The following RANBP2 variants were observed in gnomAD, a reference collection of about 807,000 sequenced individuals.
RANBP2 encodes E3 SUMO-protein ligase RanBP2.
A neutral mutation model predicts 303.6 loss-of-function variants in RANBP2; 57 were observed. The observed-to-expected ratio is 0.19, with a 90% CI of 0.15 to 0.23. The LOEUF (loss-of-function observed/expected upper bound fraction) is 0.23, where lower values mean the gene tolerates loss of function less well. Ranked by LOEUF, RANBP2 falls within the 10% of genes least tolerant of loss-of-function variation. RANBP2 has a pLI of 1.00. For synonymous variants in RANBP2, 1,167 were observed against 1,301.5 expected, an observed-to-expected ratio of 0.90 and a Z score of 2.23; for missense variants, 3,138 against 3,780.8, an observed-to-expected ratio of 0.83 and a Z score of 4.46.
chr2:109,462,025 A>C, the RANBP2 span, among the ~76,000 whole-genome samples: 1 of 151,562 alleles, frequency 6.6e-6, no homozygotes, highest in African/African-American at 2.4e-5. Context: ...ACACCACCAA[A>C]CCCCTAGAAA....
At chr2:108,989,502 C>G in the RANBP2 span, 1 of 152,124 alleles carries the variant, frequency 6.6e-6, no homozygotes, top group African/African-American at 2.4e-5. Flanking sequence ...TATCATTAAT[C>G]AAAGCTTGTT....
At chr2:109,079,428 T>C in the RANBP2 span, among the ~76,000 whole-genome samples, 32 of 152,250 alleles carry the variant, frequency 2.1e-4, no homozygotes, top group Non-Finnish European at 4.6e-4. Flanking sequence ...AAGTTATTTG[T>C]GGATTTTTTA....
chr2:108,988,800 G>C, the RANBP2 span, among the ~76,000 whole-genome samples: 1 of 152,178 alleles, frequency 6.6e-6, no homozygotes, highest in African/African-American at 2.4e-5. Context: ...TCTTAGAACT[G>C]GTAGCGCAGA....
At chr2:108,946,152 C>T in the RANBP2 span, among the ~76,000 whole-genome samples, 1 of 152,198 alleles carries the variant, frequency 6.6e-6, no homozygotes, top group Non-Finnish European at 1.5e-5. Context: ...GTGAGATGTG[C>T]TCGGAGTGTG....
At chr2:109,398,795 C>T in the RANBP2 span, 25 of 1,613,698 alleles carry the variant, frequency 1.5e-5, no homozygotes, top group East Asian at 2.5e-4. Flanking sequence ...TCCTTCACCG[C>T]GCTCAGTGTG....
the RANBP2 span, among the ~76,000 whole-genome samples, chr2:109,381,677 C>T: frequency 6.6e-6 from 1 of 152,134 alleles, no homozygotes; most frequent in Admixed American, 6.5e-5. Context: ...CCCAGGATGG[C>T]TAAATAGTAG....
At chr2:108,978,260 G>A in the RANBP2 span, among the ~76,000 whole-genome samples, 3 of 152,166 alleles carry the variant, frequency 2.0e-5, no homozygotes, top group South Asian at 2.1e-4. Flanking sequence ...CAGGCAGGGC[G>A]TGGAAGTGTT....
At chr2:109,115,041 C>G in the RANBP2 span, among the ~76,000 whole-genome samples, 1 of 151,110 alleles carries the variant, frequency 6.6e-6, no homozygotes, top group South Asian at 2.1e-4. Flanking sequence ...CTGAGGAGAG[C>G]TTTACTTCCA....
At chr2:108,810,154 C>G in the RANBP2 span, among the ~76,000 whole-genome samples, 1 of 152,084 alleles carries the variant, frequency 6.6e-6, no homozygotes, top group African/African-American at 2.4e-5. Context: ...TGCTTAATTA[C>G]TCTGGCTAGT....
At chr2:109,590,255 G>T in the RANBP2 span, among the ~76,000 whole-genome samples, 10 of 151,804 alleles carry the variant, frequency 6.6e-5, no homozygotes, top group Admixed American at 6.6e-4. Context: ...TTCTCAGATG[G>T]TCGCTAACAC....
the RANBP2 span, among the ~76,000 whole-genome samples, chr2:109,726,808 C>A: frequency 2.0e-5 from 3 of 152,172 alleles, no homozygotes; most frequent in Non-Finnish European, 2.9e-5. Context: ...GGAATGTGGT[C>A]GGGGATAGGC....
chr2:109,111,714 G>T, the RANBP2 span, among the ~76,000 whole-genome samples: 2 of 149,882 alleles, frequency 1.3e-5, no homozygotes, highest in Non-Finnish European at 3.0e-5. Context: ...CATGTGCCAT[G>T]CTGGTGTGCT....
chr2:109,724,398 G>A, the RANBP2 span, among the ~76,000 whole-genome samples: 1 of 152,160 alleles, frequency 6.6e-6, no homozygotes, highest in Non-Finnish European at 1.5e-5. Flanking sequence ...TCCTACCTAT[G>A]AGCATGGAAT....
intron 1 of RANBP2, among the ~76,000 whole-genome samples, chr2:108,724,862 G>T (rs1399048565): frequency 6.6e-6 from 1 of 151,486 alleles, no homozygotes; most frequent in Non-Finnish European, 1.5e-5. Context: ...CTGATCAGAT[G>T]GGTTTGTTGA....
the RANBP2 span, among the ~76,000 whole-genome samples, chr2:109,206,065 C>T: frequency 2.4e-4 from 36 of 152,164 alleles, no homozygotes; most frequent in African/African-American, 7.0e-4. Flanking sequence ...TTCCAGCCTC[C>T]GCGGTGGGCA....
At chr2:108,906,123 T>C in the RANBP2 span, among the ~76,000 whole-genome samples, 1 of 152,208 alleles carries the variant, frequency 6.6e-6, no homozygotes, top group Non-Finnish European at 1.5e-5. Flanking sequence ...TGCCTTCCGA[T>C]ATCTGGGAAC....
chr2:109,442,416 GA>G, the RANBP2 span, among the ~76,000 whole-genome samples: 3 of 151,864 alleles, frequency 2.0e-5, no homozygotes, highest in African/African-American at 7.3e-5. Flanking sequence ...CTATACAAAG[GA>G]ATGAAAAGCA....
the RANBP2 span, among the ~76,000 whole-genome samples, chr2:109,166,303 C>T: frequency 0.011 from 1,667 of 151,950 alleles, 17 homozygotes; most frequent in Non-Finnish European, 0.014. Context: ...ATAGTGAAAC[C>T]CCATTTCTAC....
At chr2:109,263,380 T>C in the RANBP2 span, among the ~76,000 whole-genome samples, 1 of 152,232 alleles carries the variant, frequency 6.6e-6, no homozygotes, top group Non-Finnish European at 1.5e-5. Context: ...TGTGTTTATT[T>C]TGTCTTTATT....
Sources: gnomAD v4.1 joint callset for allele counts (sites outside exome capture counted in the v4.1 genomes callset) on GRCh38, gnomAD v4.1.1 for gene constraint, MANE v1.5 for transcripts, NCBI Gene and HGNC (gene_info 2026-07-23, HGNC 2026-07-21) for gene names.